CERS6: variants seen among roughly 807,000 people sequenced by gnomAD.
CERS6 encodes LAG1 homolog, ceramide synthase 6.
A neutral mutation model predicts 56.8 loss-of-function variants in CERS6; 26 were observed. That is an observed-to-expected ratio of 0.46 (90% CI 0.34 to 0.63). The LOEUF (loss-of-function observed/expected upper bound fraction) is 0.63, where lower values mean the gene tolerates loss of function less well. Among genes scored for constraint, CERS6 ranks in the 30% least tolerant of loss-of-function variants. The pLI is 0.01. For missense variants in CERS6, 415 were observed against 467.5 expected (o/e 0.89, Z 1.04); for synonymous variants, 164 against 173.3 (o/e 0.95, Z 0.42).
intron 3 of CERS6, among the ~76,000 whole-genome samples, chr2:168,609,819 C>T (rs940484518): frequency 5.9e-5 from 9 of 152,108 alleles, no homozygotes; most frequent in Non-Finnish European, 1.0e-4. Context: ...AGAAGGGACA[C>T]CATCTCTGTT....
intron 1 of CERS6, among the ~76,000 whole-genome samples, chr2:168,477,137 A>T (rs1694087109): frequency 6.7e-6 from 1 of 148,940 alleles, no homozygotes. Context: ...GTATACTCAC[A>T]TGGTAGAGTG....
intron 1 of CERS6, among the ~76,000 whole-genome samples, chr2:168,528,021 C>T (rs1055649685): frequency 9.2e-5 from 14 of 152,016 alleles, no homozygotes; most frequent in Non-Finnish European, 2.9e-5. Context: ...CATGCCCAGC[C>T]TCCATGAGCC....
intron 8 of CERS6, among the ~76,000 whole-genome samples, chr2:168,760,204 C>A (rs1194903896): frequency 6.6e-6 from 1 of 152,130 alleles, no homozygotes; most frequent in Non-Finnish European, 1.5e-5. Flanking sequence ...TATTAACTTA[C>A]ACGATCACAA....
At position 168,506,490 on chromosome 2, in the gene CERS6, T is replaced by C. The variant is rs549820901; in HGVS notation, c.171-41106T>C. On this transcript the variant is annotated intron_variant, in intron 1 of 9. Transcript: ENST00000305747. ...AAAATGTTTCCCGCCAACATTAAAA[T>C]GAGCTGATAAACACTGGGAAGTTCT... 1.1e-4 allele frequency among the ~76,000 whole-genome samples: 17 copies of C among 152,320 alleles called. No individual in the cohort carries two copies. In the South Asian group the frequency reaches 3.3e-3, roughly 30 times the overall value.
At chr2:168,641,266 TAGACGTGTCTTTCAA>T (rs1248019993) in intron 4 of CERS6, among the ~76,000 whole-genome samples, 3 of 151,768 alleles carry the variant, frequency 2.0e-5, no homozygotes, top group Admixed American at 1.3e-4. Flanking sequence ...GTCATTTTTT[TAGACGTGTCTTTCAA>T]TTAAACTGAT....
At chr2:168,527,595 G>T (rs1231918243) in intron 1 of CERS6, among the ~76,000 whole-genome samples, 2 of 152,120 alleles carry the variant, frequency 1.3e-5, no homozygotes, top group Non-Finnish European at 2.9e-5. Flanking sequence ...GCTAGTAAGG[G>T]CCAAGTCTCT....
At chr2:168,700,194 C>T (rs532650220) in intron 6 of CERS6, among the ~76,000 whole-genome samples, 1 of 152,326 alleles carries the variant, frequency 6.6e-6, no homozygotes, top group East Asian at 1.9e-4. Flanking sequence ...TGTGTTAGCT[C>T]TCTGCTGACT....
intron 3 of CERS6, among the ~76,000 whole-genome samples, chr2:168,588,422 C>T (rs914632029): frequency 6.6e-6 from 1 of 151,888 alleles, no homozygotes; most frequent in African/African-American, 2.4e-5. Flanking sequence ...CATTTTTTCC[C>T]TCTCCCAGAT....
At chr2:168,599,215 A>G (rs1221617641) in intron 3 of CERS6, among the ~76,000 whole-genome samples, 1 of 152,068 alleles carries the variant, frequency 6.6e-6, no homozygotes, top group Non-Finnish European at 1.5e-5. Context: ...GTGGAGGAAA[A>G]TTCTTGGTAC....
At chr2:168,744,661 A>G (rs1441725898) in intron 8 of CERS6, among the ~76,000 whole-genome samples, 1 of 152,228 alleles carries the variant, frequency 6.6e-6, no homozygotes, top group Non-Finnish European at 1.5e-5. Flanking sequence ...ATAGAGGAGG[A>G]GGACAAAATT....
chr2:168,529,614 C>T (rs1228145362), intron 1 of CERS6, among the ~76,000 whole-genome samples: 1 of 152,106 alleles, frequency 6.6e-6, no homozygotes, highest in African/African-American at 2.4e-5. Flanking sequence ...TCAACAAAGT[C>T]AGAAATGTTA....
chr2:168,743,665 G>T (rs1333626942), intron 8 of CERS6, among the ~76,000 whole-genome samples: 1 of 152,156 alleles, frequency 6.6e-6, no homozygotes, highest in Non-Finnish European at 1.5e-5. Context: ...AAACTTGATG[G>T]TACTGACTGA....
intron 3 of CERS6, chr2:168,582,952 G>T (rs1683452736): frequency 6.5e-6 from 1 of 154,330 alleles, no homozygotes; most frequent in Non-Finnish European, 1.5e-5. Flanking sequence ...CTATATTGTT[G>T]TCTGGTATGT....
intron 1 of CERS6, among the ~76,000 whole-genome samples, chr2:168,537,734 T>C (rs1022108412): frequency 6.6e-6 from 1 of 152,232 alleles, no homozygotes; most frequent in African/African-American, 2.4e-5. Context: ...CTTGTTCTTA[T>C]GGGCTTTATA....
chr2:168,669,004 C>G (rs1363449481), intron 4 of CERS6, among the ~76,000 whole-genome samples: 1 of 152,108 alleles, frequency 6.6e-6, no homozygotes, highest in Non-Finnish European at 1.5e-5. Flanking sequence ...TTGTATGTCC[C>G]TCGCTGTTCC....
At chr2:168,478,774 T>C (rs1431079380) in intron 1 of CERS6, among the ~76,000 whole-genome samples, 1 of 152,248 alleles carries the variant, frequency 6.6e-6, no homozygotes, top group Non-Finnish European at 1.5e-5. Flanking sequence ...TTGGGTGACA[T>C]CTCTTATTTG....
chr2:168,755,853 A>G (rs747731621), intron 8 of CERS6, among the ~76,000 whole-genome samples: 7 of 152,214 alleles, frequency 4.6e-5, no homozygotes, highest in Non-Finnish European at 1.0e-4. Flanking sequence ...GAGTTAATTG[A>G]TTAGACCCAG....
intron 3 of CERS6, among the ~76,000 whole-genome samples, chr2:168,620,760 CTTTT>C (rs112105394): frequency 6.1e-5 from 8 of 130,654 alleles, no homozygotes; most frequent in Non-Finnish European, 9.7e-5. Context: ...GGAAATTCAC[CTTTT>C]TTTTTTTTTT....
At chr2:168,475,572 A>G (rs975018248) in intron 1 of CERS6, among the ~76,000 whole-genome samples, 1 of 150,810 alleles carries the variant, frequency 6.6e-6, no homozygotes, top group Non-Finnish European at 1.5e-5. Flanking sequence ...TGTATAAACA[A>G]TAAGGCTAGC....
Sources: allele counts gnomAD v4.1 joint callset (sites outside exome capture counted in the v4.1 genomes callset), GRCh38; gene constraint gnomAD v4.1.1; transcripts MANE v1.5; gene names NCBI Gene and HGNC (gene_info 2026-07-23, HGNC 2026-07-21).